RTEL1: variants seen among roughly 807,000 people sequenced by gnomAD.
RTEL1 encodes regulator of telomere length.
RTEL1 carries 86 observed loss-of-function variants against 162.2 expected under a neutral mutation model. That is an observed-to-expected ratio of 0.53 (90% CI 0.45 to 0.63). The LOEUF (loss-of-function observed/expected upper bound fraction) is 0.63. Ranked by LOEUF, RTEL1 falls within the 30% of genes least tolerant of loss-of-function variation. RTEL1 has a pLI of 0.00. For missense variants in RTEL1, 1,941 were observed against 1,750.2 expected (o/e 1.11, Z -1.95); for synonymous variants, 958 against 717.9 (o/e 1.33, Z -5.35).
intron 6 of RTEL1, chr20:63,665,333 C>G (rs1427504288): frequency 6.6e-6 from 1 of 152,530 alleles, no homozygotes; most frequent in East Asian, 1.9e-4. Flanking sequence ...AAGCAACTCC[C>G]TAAGGAATTC....
chr20:63,692,893 C>G lies in RTEL1; in HGVS notation c.2741C>G (p.Thr914Ser). Residue 914 changes from threonine (T) to serine (S), a missense_variant, in exon 29 of 35, where the codon ACC becomes AGC. Physicochemically the swap from Thr to Ser is moderately conservative, Grantham distance 58. Coordinates refer to ENST00000360203, the MANE Select transcript of RTEL1 (RefSeq NM_001283009.2). ...KQELSQANFA[T>S]FTQALQDYKG... ...GAGTTGAGCCAAGCCAACTTTGCCA[C>G]CTTCACCCAGGCCCTGCAGGACTAC... 1 of 1,612,654 alleles carries G rather than the reference C, an allele frequency of 6.2e-7. No individual in the cohort carries two copies. Among genetic ancestry groups the G allele is most frequent in the Non-Finnish European group, 8.5e-7 (1 of 1,179,862 alleles).
chr20:63,662,079 C>A, intron 4 of RTEL1, 136 bp downstream of exon 4: 1 of 725,210 alleles, frequency 1.4e-6, no homozygotes, highest in Non-Finnish European at 2.3e-6. Flanking sequence ...GTGTGCAGAG[C>A]GCTGGTGCCC....
At chr20:63,659,579 C>G in intron 2 of RTEL1, 75 bp downstream of exon 2, 1 of 1,141,850 alleles carries the variant, frequency 8.8e-7, no homozygotes, top group South Asian at 1.3e-5. Context: ...TTCCCTCTCC[C>G]GGCCCATTCC....
chr20:63,679,990 A>C, intron 13 of RTEL1, 44 bp downstream of exon 13: 5 of 1,422,656 alleles, frequency 3.5e-6, no homozygotes, highest in Non-Finnish European at 4.9e-6. Flanking sequence ...AATGTGGCGT[A>C]GGGGGTGCAG....
chr20:63,671,757 C>T (rs2090247615), intron 8 of RTEL1, among the ~76,000 whole-genome samples: 2 of 150,850 alleles, frequency 1.3e-5, no homozygotes, highest in Non-Finnish European at 3.0e-5. Flanking sequence ...TCCGAAAGTG[C>T]TGGGCTTGCA....
chr20:63,661,733 TG>T lies in RTEL1; in HGVS notation c.302-113del. 1.0e-6 allele frequency: 1 copy of T among 989,410 alleles called. No homozygotes were observed. 61.3% of individuals were successfully genotyped at this position (989,410 alleles called of 1,614,324 possible). Reference sequence around the variant, plus strand: ...CACCCATTTTTGATAAACCAGTATCTGGGGTGTCAGATTCTTGGCTGTCTGC... The same window carrying T: ...CACCCATTTTTGATAAACCAGTATCTGGGTGTCAGATTCTTGGCTGTCTGC... On this transcript the variant is annotated intron_variant, in intron 3 of 34. Coordinates refer to ENST00000360203, the MANE Select transcript of RTEL1 (RefSeq NM_001283009.2). This position sits in a 1 kb window ranked among gnomAD's most constrained non-coding sequence, Gnocchi z 5.1.
chr20:63,694,653 G>T (rs1301154218), intron 31 of RTEL1, 88 bp from the exon 32 acceptor site: 1 of 1,315,222 alleles, frequency 7.6e-7, no homozygotes, highest in East Asian at 2.4e-5. Flanking sequence ...CAGCTCTCCA[G>T]GAGTTCCTGG....
At chr20:63,688,847 G>T (rs1262430371) in intron 21 of RTEL1, 1 of 650,178 alleles carries the variant, frequency 1.5e-6, no homozygotes, top group Non-Finnish European at 2.7e-6. Flanking sequence ...GGCCACCCTG[G>T]CCCTGGGGTT....
intron 27 of RTEL1, 53 bp downstream of exon 27, chr20:63,691,000 A>C (rs1367008533): frequency 1.3e-6 from 2 of 1,492,068 alleles, no homozygotes; most frequent in African/African-American, 2.8e-5. Flanking sequence ...CCTGAGGCCA[A>C]CCCGACCCCG....
chr20:63,672,274 A>C (rs1442147410), intron 8 of RTEL1, among the ~76,000 whole-genome samples: 1 of 152,134 alleles, frequency 6.6e-6, no homozygotes, highest in Non-Finnish European at 1.5e-5. Context: ...TGGCTTCCTG[A>C]CTGCGGTGGC....
chr20:63,663,058 T>C, intron 6 of RTEL1, 169 bp downstream of exon 6: 1 of 669,312 alleles, frequency 1.5e-6, no homozygotes, highest in Non-Finnish European at 2.7e-6. Context: ...GACTTCTGTG[T>C]GGAAGAGCTC....
At chr20:63,681,511 G>A (rs1485400028) in intron 14 of RTEL1, 15 of 985,066 alleles carry the variant, frequency 1.5e-5, no homozygotes, top group Middle Eastern at 5.2e-4. Flanking sequence ...GCTGCCCAGC[G>A]CTATGACAGC....
intron 30 of RTEL1, 65 bp downstream of exon 30, chr20:63,693,348 G>A (rs990550024): frequency 9.4e-6 from 15 of 1,587,706 alleles, no homozygotes; most frequent in Non-Finnish European, 1.2e-5. Flanking sequence ...CCAGAGTCCT[G>A]GGCTGCTTGG....
chr20:63,685,127 G>C (rs1181387380), intron 14 of RTEL1, among the ~76,000 whole-genome samples: 1 of 150,110 alleles, frequency 6.7e-6, no homozygotes, highest in African/African-American at 2.5e-5. Context: ...GGTTCGGGCA[G>C]TTTGCTCCTC....
In RTEL1 at chr20:63,692,906, C is replaced by G. The variant is rs201754938; in HGVS notation, c.2754C>G (p.Ala918=). The change falls in exon 29 of 35, where the codon GCC becomes GCG. Residue 918 remains alanine, a synonymous_variant. Coordinates refer to ENST00000360203, the MANE Select transcript of RTEL1 (RefSeq NM_001283009.2). ...CCAACTTTGCCACCTTCACCCAGGC[C>G]CTGCAGGACTACAAGGGTTCCGATG... ...SQANFATFTQ[A]LQDYKGSDDF... is the part of the protein sequence containing the mutation. 2 of 1,612,680 alleles carry G rather than the reference C, an allele frequency of 1.2e-6. No homozygotes were observed. Among genetic ancestry groups the G allele is most frequent in the East Asian group, 4.5e-5 (2 of 44,892 alleles).
chr20:63,691,745 C>G lies in RTEL1; in HGVS notation c.2560C>G (p.His854Asp), dbSNP rs780005986. The change falls in exon 28 of 35, where the codon CAC (histidine) becomes GAC (aspartate). Residue 854 changes from histidine (H) to aspartate (D), a missense_variant. His to Asp is a moderately conservative substitution (Grantham distance 81). Coordinates refer to ENST00000360203, the MANE Select transcript of RTEL1 (RefSeq NM_001283009.2). ...TTGTGAGCTGTGTCCTCCTCAGGCC[C>G]ACAGCTGCTCCACCCTGTCCCTCCT... ...RAGSPGEEQA[H>D]SCSTLSLLSE... 3 of 1,612,204 alleles carry G rather than the reference C, an allele frequency of 1.9e-6. No individual in the cohort carries two copies. The highest frequency in any genetic ancestry group is 1.7e-6 in the Non-Finnish European group (2 of 1,179,688).
At chr20:63,683,528 G>A (rs887978954) in intron 14 of RTEL1, among the ~76,000 whole-genome samples, 6 of 152,214 alleles carry the variant, frequency 3.9e-5, no homozygotes, top group African/African-American at 1.4e-4. Flanking sequence ...ACGCACGCAC[G>A]CCTGCACAAA....
In RTEL1 at chr20:63,694,908, G is replaced by C. The variant is rs767674666; in HGVS notation, c.3277G>C (p.Asp1093His). ...AGCCTATAAGCAAGACGACGACCTC[G>C]ACAAGGTGCTGGCTGTGTTGGCCGC... Reference protein sequence around the residue: ...LTAYKQDDDLDKVLAVLAALT... With the variant: ...LTAYKQDDDLHKVLAVLAALT... The change falls in exon 32 of 35, where the codon GAC becomes CAC. Residue 1093 changes from aspartate (D) to histidine (H), a missense_variant. Asp to His is a moderately conservative substitution (Grantham distance 81). Transcript: ENST00000360203. 6.2e-7 allele frequency: 1 copy of C among 1,612,590 alleles called. No homozygotes were observed. The highest frequency in any genetic ancestry group is 8.5e-7 in the Non-Finnish European group (1 of 1,179,858).
intron 22 of RTEL1, 55 bp from the exon 23 acceptor site, chr20:63,689,447 G>A: frequency 6.8e-7 from 1 of 1,470,824 alleles, no homozygotes; most frequent in African/African-American, 1.4e-5. Flanking sequence ...CTGGGTGTGG[G>A]CACCAGGGAG....
Sources: gnomAD v4.1 joint callset for allele counts (sites outside exome capture counted in the v4.1 genomes callset) on GRCh38, gnomAD v4.1.1 for gene constraint, Gnocchi (gnomAD v3.1) non-coding constraint, MANE v1.5 for transcripts, NCBI Gene and HGNC (gene_info 2026-07-23, HGNC 2026-07-21) for gene names.